The following SEZ6 variants were observed in gnomAD, a reference collection of about 807,000 sequenced individuals.
SEZ6 encodes the protein seizure related 6 homolog.
A neutral mutation model predicts 101.0 loss-of-function variants in SEZ6; 53 were observed. That is an observed-to-expected ratio of 0.52 (90% CI 0.42 to 0.66). The LOEUF (loss-of-function observed/expected upper bound fraction) is 0.66. Ranked by LOEUF, SEZ6 falls within the 30% of genes least tolerant of loss-of-function variation. SEZ6 has a pLI of 0.00. For synonymous variants in SEZ6, 488 were observed against 512.2 expected (o/e 0.95, Z 0.64); for missense variants, 1,102 against 1,289.4 (o/e 0.85, Z 2.23).
chr17:28,974,926 AC>A (rs1434711436), intron 3 of SEZ6, among the ~76,000 whole-genome samples: 4 of 152,220 alleles, frequency 2.6e-5, no homozygotes, highest in African/African-American at 9.6e-5. Context: ...CGGCTCAATC[AC>A]TGACCAGTTG....
chr17:28,988,455 C>G (rs886734722), intron 1 of SEZ6, among the ~76,000 whole-genome samples: 6 of 152,232 alleles, frequency 3.9e-5, no homozygotes, highest in Non-Finnish European at 1.5e-5. Context: ...GCAACCTGCT[C>G]CCCAAAGTGC....
chr17:28,965,501 G>A (rs1461615066), intron 4 of SEZ6, among the ~76,000 whole-genome samples: 1 of 151,978 alleles, frequency 6.6e-6, no homozygotes, highest in African/African-American at 2.4e-5. Context: ...AAATACCCAG[G>A]CATGGTGATG....
At position 28,956,703 on chromosome 17, in the gene SEZ6, A is replaced by G. The variant is rs531051700; in HGVS notation, c.2731+16T>C. ...CCAGGGAGACCACTTCTCTGGCCTC[A>G]AGGGTGGAGACTTACCATCCAGGCT... On this transcript the variant is annotated intron_variant, in intron 14 of 16. Transcript: ENST00000317338. The G allele has an allele frequency of 1.4e-5, 22 of 1,558,224 alleles. No homozygotes were observed. The East Asian group carries it at 4.6e-4, about 32-fold the overall frequency.
intron 1 of SEZ6, among the ~76,000 whole-genome samples, chr17:28,994,183 G>A (rs1259676248): frequency 6.6e-6 from 1 of 152,204 alleles, no homozygotes. Context: ...GAGCATGGAT[G>A]GAGCTCTGCC....
intron 2 of SEZ6, among the ~76,000 whole-genome samples, chr17:28,980,360 C>T (rs1312675825): frequency 7.3e-5 from 11 of 150,894 alleles, no homozygotes; most frequent in Admixed American, 1.3e-4. Context: ...GTGTACACCA[C>T]CATGCCTGGC....
chr17:28,999,498 G>T, intron 1 of SEZ6, among the ~76,000 whole-genome samples: 1 of 152,164 alleles, frequency 6.6e-6, no homozygotes, highest in Non-Finnish European at 1.5e-5. Context: ...CCGGATTGTT[G>T]TTGGAGAATC....
At chr17:28,966,813 T>C (rs1208106134) in intron 4 of SEZ6, among the ~76,000 whole-genome samples, 3 of 151,950 alleles carry the variant, frequency 2.0e-5, no homozygotes, top group African/African-American at 7.3e-5. Context: ...GGTCCAGAAA[T>C]TTGAGTTTTA....
chr17:29,006,085 G>T (rs952782098), upstream of SEZ6: 1 of 333,162 alleles, frequency 3.0e-6, no homozygotes, highest in African/African-American at 2.2e-5. Context: ...CTGGGGGCGG[G>T]GGCGCGGGAG....
At chr17:28,956,124 T>C in intron 16 of SEZ6, 35 bp downstream of exon 16, 1 of 1,599,942 alleles carries the variant, frequency 6.3e-7, no homozygotes, top group Non-Finnish European at 8.5e-7. Flanking sequence ...GAACTGGGTC[T>C]TGGATAGGGT....
Position 28,964,111 on chromosome 17 carries a change from G to C in SEZ6, c.1091C>G (p.Ala364Gly), listed in dbSNP as rs1737135760. ...GCTGGTGACAGTCACATCTCCATAA[G>C]CTGGACGACGGGGAAAGTGGCAGCT... ...LLSCHFPRRP[A>G]YGDVTVTSLH... The change falls in exon 5 of 17, where the codon GCT becomes GGT. Residue 364 changes from alanine to glycine, a missense_variant. Ala to Gly is a moderately conservative substitution (Grantham distance 60, BLOSUM62 0). Transcript: ENST00000317338. 2 of 1,601,170 alleles carry C rather than the reference G, an allele frequency of 1.2e-6. No homozygotes were observed. The highest frequency in any genetic ancestry group is 1.7e-6 in the Non-Finnish European group (2 of 1,173,854).
At chr17:28,976,483 C>A (rs1345212242) in intron 3 of SEZ6, among the ~76,000 whole-genome samples, 2 of 152,164 alleles carry the variant, frequency 1.3e-5, no homozygotes, top group Non-Finnish European at 2.9e-5. Context: ...CACCTATCTG[C>A]CCTGAGTGAT....
intron 1 of SEZ6, among the ~76,000 whole-genome samples, chr17:29,000,075 G>A (rs2041594511): frequency 6.6e-6 from 1 of 152,260 alleles, no homozygotes; most frequent in African/African-American, 2.4e-5. Context: ...TCACAGAGAT[G>A]ATAAGAGAAC....
At chr17:28,997,585 G>A (rs1165737464) in intron 1 of SEZ6, among the ~76,000 whole-genome samples, 13 of 152,136 alleles carry the variant, frequency 8.5e-5, no homozygotes, top group Non-Finnish European at 1.9e-4. Flanking sequence ...CTGGACTCCT[G>A]GGTTGTATGA....
In SEZ6 at chr17:29,005,051, C is replaced by T. The variant is rs1018600329; in HGVS notation, c.55+764G>A. Among the ~76,000 whole-genome samples the T allele has an allele frequency of 1.4e-5, 2 of 147,028 alleles. No individual in the cohort carries two copies. The highest frequency in any genetic ancestry group is 4.0e-4 in the East Asian group (2 of 4,950). On this transcript the variant is annotated intron_variant, in intron 1 of 16. Coordinates refer to ENST00000317338, the MANE Select transcript of SEZ6 (RefSeq NM_178860.5). This position sits in a 1 kb window ranked among gnomAD's most constrained non-coding sequence, Gnocchi z 4.8. ...ACCAGGGCCGGGCAGGAAGGCAGGC[C>T]GGGAGGGAGGCAGAGCTCGGGGCAG...
intron 3 of SEZ6, among the ~76,000 whole-genome samples, chr17:28,976,423 C>T (rs1183071867): frequency 6.6e-6 from 1 of 152,200 alleles, no homozygotes; most frequent in African/African-American, 2.4e-5. Flanking sequence ...GTCCCTAAGA[C>T]AGTCCTCTCC....
rs1416086242 is a variant in SEZ6 at position 28,957,821 on chromosome 17, G to A, written c.2302+126C>T. 5 of 1,104,848 alleles carry A rather than the reference G, an allele frequency of 4.5e-6. No individual in the cohort carries two copies. The Admixed American group carries it at 1.3e-4, about 28-fold the overall frequency. 68.4% of individuals were successfully genotyped at this position (1,104,848 alleles called of 1,614,324 possible). The stretch of plus-strand genomic sequence containing the variant: ...TCCCCATTTCACAGATGAGGAAACT[G>A]AGGCTATAAGAGGTGAAGGAACTTT... On this transcript the variant is annotated intron_variant, in intron 11 of 16. Transcript: ENST00000317338.
chr17:28,963,843 G>A, intron 5 of SEZ6, 119 bp downstream of exon 5: 2 of 1,221,468 alleles, frequency 1.6e-6, no homozygotes, highest in Non-Finnish European at 1.2e-6. Context: ...GAGGTGCATG[G>A]CCATTTTCTG....
intron 5 of SEZ6, among the ~76,000 whole-genome samples, chr17:28,963,537 C>T (rs1475975074): frequency 6.6e-6 from 1 of 152,182 alleles, no homozygotes; most frequent in Non-Finnish European, 1.5e-5. Context: ...TATGTCCCTG[C>T]CCACGTTGTT....
Position 28,981,775 on chromosome 17 carries a change from A to C in SEZ6, c.320T>G (p.Leu107Arg), listed in dbSNP as rs369460786. Residue 107 changes from leucine (L) to arginine (R), a missense_variant, in exon 2 of 17, where the codon CTT becomes CGT. Leu to Arg is a moderately radical substitution (Grantham distance 102). Transcript: ENST00000317338. The part of the protein sequence containing the change: ...DPPAPFTPSP[L>R]PRLANQDSRP... Reference sequence around the variant, plus strand: ...GCTGTCCTGGTTGGCCAGGCGGGGAAGGGGACTTGGGGTGAAGGGTGCAGG... The same window carrying C: ...GCTGTCCTGGTTGGCCAGGCGGGGACGGGGACTTGGGGTGAAGGGTGCAGG... 4.0e-5 allele frequency: 65 copies of C among 1,612,272 alleles called. No individual in the cohort carries two copies. The highest frequency in any genetic ancestry group is 2.5e-4 in the Admixed American group (15 of 59,956).
Sources: gnomAD v4.1 joint callset for allele counts (sites outside exome capture counted in the v4.1 genomes callset) on GRCh38, gnomAD v4.1.1 for gene constraint, Gnocchi (gnomAD v3.1) non-coding constraint, MANE v1.5 for transcripts, NCBI Gene and HGNC (gene_info 2026-07-23, HGNC 2026-07-21) for gene names.